Variants in ARMH1 observed in about 807,000 individuals in gnomAD.
ARMH1 encodes armadillo-like helical domain containing protein 1.
A neutral mutation model predicts 50.2 loss-of-function variants in ARMH1; 34 were observed. That is an observed-to-expected ratio of 0.68 (90% CI 0.51 to 0.90). The LOEUF (loss-of-function observed/expected upper bound fraction) is 0.90. ARMH1 is among the 40% of genes least tolerant of loss of function. The pLI is 0.00. For missense variants in ARMH1, 538 were observed against 553.9 expected, an observed-to-expected ratio of 0.97 and a Z score of 0.29; for synonymous variants, 221 against 224.2, an observed-to-expected ratio of 0.99 and a Z score of 0.13.
At position 44,682,236 on chromosome 1, in the gene ARMH1, A is replaced by G. The variant is rs1038551040; in HGVS notation, c.-23+7363A>G. On this transcript the variant is annotated intron_variant, in intron 1 of 11. Coordinates refer to ENST00000535358, the MANE Select transcript of ARMH1 (RefSeq NM_001145636.2). The surrounding 1 kb of genome is among the most constrained non-coding windows in gnomAD (Gnocchi z 4.5). The stretch of plus-strand genomic sequence containing the variant: ...TACCAGAGACCCTGCTAGCCACCCA[A>G]ATTACAAAGATGGAGCACACTGATG... Among the ~76,000 whole-genome samples, 6 of 152,178 alleles carry G rather than the reference A, an allele frequency of 3.9e-5. No homozygotes were observed. Among genetic ancestry groups the G allele is most frequent in the African/African-American group, 1.4e-4 (6 of 41,438 alleles).
At chr1:44,688,428 A>G (rs1019492012) in intron 1 of ARMH1, 3 of 152,218 alleles carry the variant, frequency 2.0e-5, no homozygotes, top group Admixed American at 6.5e-5. Context: ...GGAAATGTTA[A>G]TTTAGAATCA....
chr1:44,689,856 G>A lies in ARMH1; in HGVS notation c.159G>A (p.Gln53=), dbSNP rs1645597508. 6.4e-7 allele frequency: 1 copy of A among 1,551,280 alleles called. No homozygotes were observed. The highest frequency in any genetic ancestry group is 2.0e-5 in the Admixed American group (1 of 50,960). ...CTGAACTGGAGCAGGAGTTTTCCCAGGGAGCCAGTTTGTTCCTGGTACGCT... is the reference window on the plus strand; with the variant it reads ...CTGAACTGGAGCAGGAGTTTTCCCAAGGAGCCAGTTTGTTCCTGGTACGCT... ...TAPELEQEFS[Q]GASLFLVRLT... Residue 53 remains glutamine, a synonymous_variant, in exon 2 of 12, where the codon CAG becomes CAA. Transcript: ENST00000535358.
At chr1:44,721,843 C>G (rs559479545) in intron 6 of ARMH1, 2 of 152,130 alleles carry the variant, frequency 1.3e-5, no homozygotes, top group Non-Finnish European at 2.9e-5. Context: ...TTGTTTTTCT[C>G]CACGGAAATC....
intron 1 of ARMH1, among the ~76,000 whole-genome samples, chr1:44,678,631 G>A (rs1182293366): frequency 1.3e-5 from 2 of 152,056 alleles, no homozygotes; most frequent in Admixed American, 6.6e-5. Flanking sequence ...AGTCAGGGAC[G>A]GGAGCCCAAG....
chr1:44,722,784 G>A (rs1456918101), intron 6 of ARMH1, among the ~76,000 whole-genome samples: 1 of 150,786 alleles, frequency 6.6e-6, no homozygotes, highest in Non-Finnish European at 1.5e-5. Context: ...GGCCCACCGG[G>A]CCCAGTGGCT....
chr1:44,719,933 G>A (rs548752191), intron 6 of ARMH1, among the ~76,000 whole-genome samples: 5 of 152,070 alleles, frequency 3.3e-5, no homozygotes, highest in East Asian at 3.9e-4. Context: ...AGTGGCTCAC[G>A]CCTGTAATCC....
chr1:44,684,597 T>G (rs1473123420), intron 1 of ARMH1: 1 of 152,226 alleles, frequency 6.6e-6, no homozygotes, highest in African/African-American at 2.4e-5. Context: ...TTCAGCCAGT[T>G]TGACCTCTAA....
At chr1:44,721,771 A>T (rs769953814) in intron 6 of ARMH1, 1 of 152,170 alleles carries the variant, frequency 6.6e-6, no homozygotes, top group Non-Finnish European at 1.5e-5. Flanking sequence ...GTCTCTCTTT[A>T]GTAACAGAAC....
intron 6 of ARMH1, among the ~76,000 whole-genome samples, chr1:44,709,492 G>A (rs897843508): frequency 2.6e-5 from 4 of 152,110 alleles, no homozygotes; most frequent in South Asian, 2.1e-4. Context: ...CTAACACGGT[G>A]AAACCCCATC....
Position 44,708,554 on chromosome 1 carries a change from G to C in ARMH1, c.724+4381G>C, listed in dbSNP as rs528954454. Among the ~76,000 whole-genome samples the C allele has an allele frequency of 5.3e-5, 8 of 152,294 alleles. No homozygotes were observed. In the East Asian group the frequency reaches 1.2e-3, roughly 22 times the overall value. ...GGGGTGCCCACTCCACTCCCATGTG[G>C]CATGTGTGTGGGGCAGAGTGGGAGG... On this transcript the variant is annotated intron_variant, in intron 6 of 11. Coordinates refer to ENST00000535358, the MANE Select transcript of ARMH1 (RefSeq NM_001145636.2).
Position 44,680,965 on chromosome 1 carries a change from C to A in ARMH1, c.-23+6092C>A, listed in dbSNP as rs1240960181. Among the ~76,000 whole-genome samples, 3 of 151,902 alleles carry A rather than the reference C, an allele frequency of 2.0e-5. No individual in the cohort carries two copies. The East Asian group carries it at 5.8e-4, about 30-fold the overall frequency. On this transcript the variant is annotated intron_variant, in intron 1 of 11. Transcript: ENST00000535358. ...GTAGGAATGACTTCCTAACTGGTGC[C>A]CCCACCTCCAATTTGCCCCCTTCCG... is the stretch of plus-strand genomic sequence containing the variant.
intron 6 of ARMH1, among the ~76,000 whole-genome samples, chr1:44,712,635 G>A (rs1281804388): frequency 1.3e-5 from 2 of 150,862 alleles, no homozygotes; most frequent in East Asian, 3.9e-4. Context: ...CCCTCACAGG[G>A]TTAAGCAAAT....
intron 6 of ARMH1, among the ~76,000 whole-genome samples, chr1:44,704,701 G>A (rs1013881382): frequency 3.3e-5 from 5 of 151,916 alleles, no homozygotes; most frequent in Admixed American, 6.6e-5. Flanking sequence ...TTGCAGAAAC[G>A]AGGTCTCACT....
intron 6 of ARMH1, among the ~76,000 whole-genome samples, chr1:44,714,547 T>C (rs1646765870): frequency 6.6e-6 from 1 of 150,542 alleles, no homozygotes; most frequent in South Asian, 2.1e-4. Context: ...ATCACGCCAT[T>C]GCACTCCGGC....
intron 1 of ARMH1, among the ~76,000 whole-genome samples, chr1:44,684,122 GA>G (rs1450782949): frequency 1.3e-5 from 2 of 152,070 alleles, no homozygotes; most frequent in African/African-American, 4.8e-5. Flanking sequence ...CCTTCACCAG[GA>G]AACACAGCTA....
chr1:44,710,425 C>T (rs942583941), intron 6 of ARMH1, among the ~76,000 whole-genome samples: 9 of 151,796 alleles, frequency 5.9e-5, no homozygotes, highest in African/African-American at 1.5e-4. Context: ...CTGGCTAACA[C>T]GGTGAAACCC....
rs537984659 is a variant in ARMH1, at chr1:44,700,444, T to C, written c.443-479T>C. 1.9e-3 allele frequency among the ~76,000 whole-genome samples: 282 copies of C among 151,994 alleles called. 1 individual carries two copies. Among genetic ancestry groups the C allele is most frequent in the Admixed American group, 3.9e-3 (59 of 15,258 alleles). ...CATCCTGGCTAACACTGTGAAACCC[T>C]GTCTCTATTAAAAATACAAAAATTA... is the stretch of plus-strand genomic sequence containing the variant. On this transcript the variant is annotated intron_variant, in intron 4 of 11. Coordinates refer to ENST00000535358, the MANE Select transcript of ARMH1 (RefSeq NM_001145636.2).
In ARMH1 at chr1:44,724,475, G is replaced by A. The variant is rs1286263364; in HGVS notation, c.921-64G>A. On this transcript the variant is annotated intron_variant, in intron 8 of 11. Transcript: ENST00000535358. The surrounding 1 kb of genome is among the most constrained non-coding windows in gnomAD (Gnocchi z 6.4). ...GGCCCCGGGAGCGCTCCGTGCGCCG[G>A]GTGGGCGGGGGTGTGCGCCGGGTGA... is the stretch of plus-strand genomic sequence containing the variant. 8 of 1,508,594 alleles carry A rather than the reference G, an allele frequency of 5.3e-6. No homozygotes were observed. In the East Asian group the frequency reaches 1.0e-4, roughly 19 times the overall value. The allele number at this position is 1,508,594 out of a possible 1,614,324, so 93.5% of individuals were successfully genotyped here.
In ARMH1 at chr1:44,724,612, G is replaced by T; in HGVS notation, c.994G>T (p.Ala332Ser). The change falls in exon 9 of 12, where the codon GCC (alanine) becomes TCC (serine). Residue 332 changes from alanine to serine, a missense_variant. Ala to Ser is a moderately conservative substitution (Grantham distance 99). Coordinates refer to ENST00000535358, the MANE Select transcript of ARMH1 (RefSeq NM_001145636.2). This position sits in a 1 kb window ranked among gnomAD's most constrained non-coding sequence, Gnocchi z 6.4. The part of the protein sequence containing the change: ...YLRVVRGLMA[A>S]MGNTDHSNSQ... ...GCGCGTGGTGCGTGGCCTAATGGCC[G>T]CCATGGGCAACACGGACCACAGCAA... 1 of 1,514,826 alleles carries T rather than the reference G, an allele frequency of 6.6e-7. No homozygotes were observed. The allele number at this position is 1,514,826 out of a possible 1,614,324, so 93.8% of individuals were successfully genotyped here.
Sources: allele counts gnomAD v4.1 joint callset (sites outside exome capture counted in the v4.1 genomes callset), GRCh38; gene constraint gnomAD v4.1.1; non-coding constraint Gnocchi (gnomAD v3.1); transcripts MANE v1.5; gene names NCBI Gene and HGNC (gene_info 2026-07-23, HGNC 2026-07-21).